LINGO2: variants seen among roughly 807,000 people sequenced by gnomAD.
The protein encoded by LINGO2 is leucine-rich repeat and immunoglobulin-like domain-containing nogo receptor-interacting protein 2.
A neutral mutation model predicts 30.6 loss-of-function variants in LINGO2; 14 were observed. The observed-to-expected ratio is 0.46, with a 90% CI of 0.30 to 0.72. LINGO2 has a LOEUF of 0.72. LINGO2 is among the 30% of genes least tolerant of loss of function. The pLI is 0.07. For synonymous variants in LINGO2, 317 were observed against 288.5 expected (o/e 1.10, Z -1.00); for missense variants, 729 against 751.7 (o/e 0.97, Z 0.35).
the LINGO2 span, among the ~76,000 whole-genome samples, chr9:29,111,225 A>G: frequency 0.24 from 35,785 of 152,138 alleles, 4,347 homozygotes; most frequent in East Asian, 0.4. Context: ...TTCTGTTGAC[A>G]CAGTCACCAG....
intron 4 of LINGO2, among the ~76,000 whole-genome samples, chr9:28,164,445 T>C (rs148940321): frequency 1.4e-3 from 208 of 152,336 alleles, no homozygotes; most frequent in African/African-American, 4.8e-3. Flanking sequence ...TGGAAACTTT[T>C]ATCTCCATCT....
intron 3 of LINGO2, among the ~76,000 whole-genome samples, chr9:28,355,299 GTCTCTCTCTCTCTCTC>G (rs3065608): frequency 1.7e-5 from 2 of 120,946 alleles, no homozygotes; most frequent in African/African-American, 3.2e-5. Flanking sequence ...CTCTCTCTAT[GTCTCTCTCTCTCTCTC>G]TCTCTCTCTC....
chr9:28,035,057 G>C (rs1341166413), intron 4 of LINGO2, among the ~76,000 whole-genome samples: 1 of 152,168 alleles, frequency 6.6e-6, no homozygotes, highest in East Asian at 1.9e-4. Flanking sequence ...TAACTGATGT[G>C]CCTGTTTGGA....
At chr9:28,151,715 GA>G (rs753375216) in intron 4 of LINGO2, among the ~76,000 whole-genome samples, 2 of 151,802 alleles carry the variant, frequency 1.3e-5, no homozygotes, top group African/African-American at 2.4e-5. Context: ...AAACTTTTAA[GA>G]GTTTTTTTAT....
At chr9:27,943,637 T>G (rs1823254796), downstream of LINGO2, 1 of 149,038 alleles carries the variant, frequency 6.7e-6, no homozygotes, top group Admixed American at 6.7e-5. Flanking sequence ...TTAAAGCAAT[T>G]TCCAGTTTAA....
At chr9:28,921,087 G>GA in the LINGO2 span, among the ~76,000 whole-genome samples, 2 of 152,054 alleles carry the variant, frequency 1.3e-5, no homozygotes, top group Admixed American at 6.6e-5. Context: ...TGCGGGAATG[G>GA]AAAAAAATTG....
chr9:28,442,608 C>T (rs1824245454), intron 2 of LINGO2, among the ~76,000 whole-genome samples: 2 of 152,080 alleles, frequency 1.3e-5, no homozygotes, highest in South Asian at 2.1e-4. Flanking sequence ...ACATATACTT[C>T]CATTAAATGC....
At chr9:29,107,846 A>C in the LINGO2 span, among the ~76,000 whole-genome samples, 277 of 151,434 alleles carry the variant, frequency 1.8e-3, 1 homozygote, top group African/African-American at 6.4e-3. Context: ...AAGGCAAATA[A>C]CCTTTATCTC....
chr9:28,380,823 C>G (rs1821326383), intron 2 of LINGO2, among the ~76,000 whole-genome samples: 1 of 151,944 alleles, frequency 6.6e-6, no homozygotes, highest in African/African-American at 2.4e-5. Context: ...ACATGGAACA[C>G]TAAGAATTGG....
chr9:29,110,784 G>A, the LINGO2 span, among the ~76,000 whole-genome samples: 3 of 151,740 alleles, frequency 2.0e-5, no homozygotes, highest in East Asian at 2.0e-4. Flanking sequence ...TCCGCCTCCC[G>A]GGTTCAAGCA....
intron 4 of LINGO2, among the ~76,000 whole-genome samples, chr9:28,060,883 T>C (rs879667431): frequency 2.0e-5 from 3 of 152,084 alleles, no homozygotes; most frequent in African/African-American, 4.8e-5. Flanking sequence ...GGAAATGCCA[T>C]GCTCCTTTCT....
the LINGO2 span, among the ~76,000 whole-genome samples, chr9:29,055,756 T>C: frequency 1.3e-5 from 2 of 151,972 alleles, no homozygotes; most frequent in African/African-American, 4.8e-5. Flanking sequence ...CAGGGTATCA[T>C]TCTGATGTCT....
chr9:28,434,014 C>A (rs937084803), intron 2 of LINGO2, among the ~76,000 whole-genome samples: 1 of 149,842 alleles, frequency 6.7e-6, no homozygotes, highest in Non-Finnish European at 1.5e-5. Flanking sequence ...GAATACTACT[C>A]ATCCAAAAAA....
chr9:28,347,198 A>G (rs1819615562), intron 3 of LINGO2, among the ~76,000 whole-genome samples: 2 of 152,240 alleles, frequency 1.3e-5, no homozygotes, highest in Non-Finnish European at 2.9e-5. Context: ...ATTTTACAAA[A>G]TATAAAAATT....
chr9:29,078,457 C>A, the LINGO2 span, among the ~76,000 whole-genome samples: 1 of 151,938 alleles, frequency 6.6e-6, no homozygotes. Flanking sequence ...TCTGCCAGCA[C>A]ACAATTATTC....
At chr9:28,405,641 A>G (rs1187240704) in intron 2 of LINGO2, among the ~76,000 whole-genome samples, 1 of 152,214 alleles carries the variant, frequency 6.6e-6, no homozygotes, top group Non-Finnish European at 1.5e-5. Context: ...AGAGTAAAAT[A>G]GAATTACTTT....
At chr9:28,005,877 A>C (rs1445817774) in intron 5 of LINGO2, among the ~76,000 whole-genome samples, 1 of 152,048 alleles carries the variant, frequency 6.6e-6, no homozygotes, top group African/African-American at 2.4e-5. Flanking sequence ...TGAGATAGTC[A>C]ACCTGGCCCA....
intron 5 of LINGO2, among the ~76,000 whole-genome samples, chr9:27,961,844 A>G (rs1357377717): frequency 6.6e-6 from 1 of 152,132 alleles, no homozygotes; most frequent in African/African-American, 2.4e-5. Context: ...GAAATGCTTC[A>G]CAGCCAATCG....
the LINGO2 span, among the ~76,000 whole-genome samples, chr9:29,048,720 A>C: frequency 3.9e-5 from 6 of 152,208 alleles, no homozygotes; most frequent in African/African-American, 1.4e-4. Flanking sequence ...TGGAGAAAAG[A>C]CAATTTTTCA....
Sources: gnomAD v4.1 joint callset for allele counts (sites outside exome capture counted in the v4.1 genomes callset) on GRCh38, gnomAD v4.1.1 for gene constraint, MANE v1.5 for transcripts, NCBI Gene and HGNC (gene_info 2026-07-23, HGNC 2026-07-21) for gene names.